CNTNAP2: variants seen among roughly 807,000 people sequenced by gnomAD.
CNTNAP2 encodes contactin-associated protein-like 2.
A neutral mutation model predicts 155.2 loss-of-function variants in CNTNAP2; 98 were observed. The ratio of observed to expected loss-of-function variants is 0.63; its 90% CI spans 0.54 to 0.75. The LOEUF (loss-of-function observed/expected upper bound fraction) is 0.75, where lower values mean the gene tolerates loss of function less well. Among genes scored for constraint, CNTNAP2 ranks in the 30% least tolerant of loss-of-function variants. The pLI is 0.00. For missense variants in CNTNAP2, 1,727 were observed against 1,688.1 expected, an observed-to-expected ratio of 1.02 and a Z score of -0.40; for synonymous variants, 651 against 631.2, an observed-to-expected ratio of 1.03 and a Z score of -0.47.
intron 21 of CNTNAP2, among the ~76,000 whole-genome samples, chr7:148,374,148 G>A (rs374307376): frequency 6.6e-6 from 1 of 151,810 alleles, no homozygotes; most frequent in Non-Finnish European, 1.5e-5. Flanking sequence ...CCTACCTCAG[G>A]TCCATTTCGT....
chr7:148,369,002 T>G (rs1226497732), intron 21 of CNTNAP2, among the ~76,000 whole-genome samples: 1 of 152,082 alleles, frequency 6.6e-6, no homozygotes, highest in Non-Finnish European at 1.5e-5. Flanking sequence ...TTCTCTTTCC[T>G]TTTCTGATTA....
intron 1 of CNTNAP2, among the ~76,000 whole-genome samples, chr7:146,639,656 A>T (rs1284836541): frequency 1.3e-5 from 2 of 152,324 alleles, no homozygotes; most frequent in East Asian, 3.9e-4. Context: ...AGTTGATCTG[A>T]GTATTCAGAA....
At chr7:147,597,627 C>T (rs1281364213) in intron 12 of CNTNAP2, among the ~76,000 whole-genome samples, 1 of 152,108 alleles carries the variant, frequency 6.6e-6, no homozygotes, top group South Asian at 2.1e-4. Context: ...AATGAATTTC[C>T]CACCAATAAC....
chr7:148,003,409 A>G (rs201305851), intron 15 of CNTNAP2, among the ~76,000 whole-genome samples: 1 of 140,452 alleles, frequency 7.1e-6, no homozygotes, highest in South Asian at 2.2e-4. Context: ...ACATTAGAGG[A>G]AAAAAAATTT....
At chr7:147,109,467 C>G (rs1268843686) in intron 5 of CNTNAP2, among the ~76,000 whole-genome samples, 2 of 152,038 alleles carry the variant, frequency 1.3e-5, no homozygotes, top group Admixed American at 6.6e-5. Flanking sequence ...TATGAAACAT[C>G]TAAGTAGAAC....
At chr7:147,217,337 T>TTACTGATTCTTAGGTCTTCAGATTG (rs1169224241) in intron 8 of CNTNAP2, among the ~76,000 whole-genome samples, 19 of 151,914 alleles carry the variant, frequency 1.3e-4, no homozygotes, top group Non-Finnish European at 2.2e-4. Flanking sequence ...TATTCCTAGG[T>TTACTGATTCTTAGGTCTTCAGATTG]TACTGATTGT....
chr7:146,261,855 G>A (rs1446844278), intron 1 of CNTNAP2, among the ~76,000 whole-genome samples: 1 of 152,056 alleles, frequency 6.6e-6, no homozygotes, highest in East Asian at 1.9e-4. Context: ...AGAAGGTTTT[G>A]AATATTTTAT....
chr7:148,383,161 C>A (rs953368700), intron 21 of CNTNAP2, among the ~76,000 whole-genome samples: 1 of 150,024 alleles, frequency 6.7e-6, no homozygotes, highest in East Asian at 2.0e-4. Context: ...AGGAGATGTT[C>A]ACGTACAGGC....
intron 20 of CNTNAP2, among the ~76,000 whole-genome samples, chr7:148,252,740 A>C (rs1196513913): frequency 6.6e-6 from 1 of 152,038 alleles, no homozygotes; most frequent in Non-Finnish European, 1.5e-5. Context: ...CACCCCAGGC[A>C]GTGCCAGGAT....
chr7:146,545,944 T>C (rs892675121), intron 1 of CNTNAP2, among the ~76,000 whole-genome samples: 2 of 151,916 alleles, frequency 1.3e-5, no homozygotes, highest in Admixed American at 6.6e-5. Context: ...TAAACAAATA[T>C]AGCAAATAGA....
At chr7:146,548,505 C>G (rs1299506672) in intron 1 of CNTNAP2, among the ~76,000 whole-genome samples, 4 of 151,918 alleles carry the variant, frequency 2.6e-5, no homozygotes, top group Non-Finnish European at 5.9e-5. Flanking sequence ...AGACACATGT[C>G]TTTTGCTTTT....
chr7:146,715,619 A>T (rs1801174114), intron 1 of CNTNAP2, among the ~76,000 whole-genome samples: 1 of 152,134 alleles, frequency 6.6e-6, no homozygotes, highest in Non-Finnish European at 1.5e-5. Flanking sequence ...ACAAAAGAAA[A>T]TCACCCTACC....
chr7:146,427,760 CA>C (rs1221117447), intron 1 of CNTNAP2, among the ~76,000 whole-genome samples: 2 of 152,116 alleles, frequency 1.3e-5, no homozygotes, highest in Non-Finnish European at 2.9e-5. Context: ...CTTTTAAGTT[CA>C]GGGGGACATG....
rs185095747 is a variant in CNTNAP2, at chr7:146,448,132, A to C, written c.98-326139A>C. 5.3e-5 allele frequency among the ~76,000 whole-genome samples: 8 copies of C among 152,180 alleles called. No individual in the cohort carries two copies. In the East Asian group the frequency reaches 1.3e-3, roughly 26 times the overall value. ...AAAAATGGTTAATGCTACCAACACC[A>C]ATACATATTTAATGATTGAGAAATG... On this transcript the variant is annotated intron_variant, in intron 1 of 23. Coordinates refer to ENST00000361727, the MANE Select transcript of CNTNAP2 (RefSeq NM_014141.6).
At chr7:146,466,808 A>C (rs1344767598) in intron 1 of CNTNAP2, among the ~76,000 whole-genome samples, 1 of 152,188 alleles carries the variant, frequency 6.6e-6, no homozygotes, top group Non-Finnish European at 1.5e-5. Context: ...AATTAATCCT[A>C]AAATGAAACA....
At chr7:147,534,274 C>A (rs533556171) in intron 11 of CNTNAP2, among the ~76,000 whole-genome samples, 1 of 152,178 alleles carries the variant, frequency 6.6e-6, no homozygotes, top group African/African-American at 2.4e-5. Context: ...AAAGAATTTT[C>A]CAGCCCAAAA....
At chr7:147,252,403 C>T (rs1202976189) in intron 8 of CNTNAP2, among the ~76,000 whole-genome samples, 2 of 152,180 alleles carry the variant, frequency 1.3e-5, no homozygotes, top group African/African-American at 2.4e-5. Flanking sequence ...CAAAAAAGCT[C>T]TGTCTCCCAA....
intron 11 of CNTNAP2, among the ~76,000 whole-genome samples, chr7:147,530,780 C>A (rs1416529906): frequency 6.6e-6 from 1 of 152,106 alleles, no homozygotes; most frequent in Non-Finnish European, 1.5e-5. Flanking sequence ...TCCCAATAGT[C>A]CCCCAAAGTC....
At chr7:147,869,078 G>A (rs1799283328) in intron 13 of CNTNAP2, among the ~76,000 whole-genome samples, 2 of 152,186 alleles carry the variant, frequency 1.3e-5, no homozygotes, top group Non-Finnish European at 2.9e-5. Context: ...CTGCGGACCA[G>A]AACTGTTCCT....
Sources: allele counts gnomAD v4.1 joint callset (sites outside exome capture counted in the v4.1 genomes callset), GRCh38; gene constraint gnomAD v4.1.1; transcripts MANE v1.5; gene names NCBI Gene and HGNC (gene_info 2026-07-23, HGNC 2026-07-21).